Variants in ADGRL3 observed in about 807,000 individuals in gnomAD.
The protein encoded by ADGRL3 is calcium-independent alpha-latrotoxin receptor 3.
Under a neutral mutation model 153.5 loss-of-function variants are expected in ADGRL3, and 62 were observed. The observed-to-expected ratio is 0.40, with a 90% CI of 0.33 to 0.50. The LOEUF is 0.50. Among genes scored for constraint, ADGRL3 ranks in the 20% least tolerant of loss-of-function variants. The probability of loss-of-function intolerance (pLI) is 0.47; values close to 1 mark genes in which losing one functional copy is unlikely to be tolerated. For missense variants in ADGRL3, 1,641 were observed against 1,859.4 expected (o/e 0.88, Z 2.16); for synonymous variants, 710 against 672.5 (o/e 1.06, Z -0.86).
At chr4:61,513,888 A>G (rs1405828313) in intron 3 of ADGRL3, among the ~76,000 whole-genome samples, 1 of 152,156 alleles carries the variant, frequency 6.6e-6, no homozygotes, top group Non-Finnish European at 1.5e-5. Context: ...TAACTTTGCG[A>G]CATCTTAAAA....
chr4:61,387,366 GGAGACGAGGTTTT>G (rs1405399170), intron 2 of ADGRL3, among the ~76,000 whole-genome samples: 2 of 152,148 alleles, frequency 1.3e-5, no homozygotes, highest in African/African-American at 4.8e-5. Flanking sequence ...CATCTTATCA[GGAGACGAGGTTTT>G]GAGATCAACC....
chr4:62,001,469 C>T lies in ADGRL3; in HGVS notation c.3395+3204C>T, dbSNP rs1462699787. ...AACGGGACATGTTGAAGAAAAACAA[C>T]AAGGAAGGTATCTCCAGAAAATATT... On this transcript the variant is annotated intron_variant, in intron 21 of 26. Coordinates refer to ENST00000683033, the MANE Select transcript of ADGRL3 (RefSeq NM_001387552.1). Among the ~76,000 whole-genome samples the T allele has an allele frequency of 3.3e-5, 5 of 152,218 alleles. No homozygotes were observed. In the East Asian group the frequency reaches 9.7e-4, roughly 29 times the overall value.
chr4:61,232,913 T>A (rs541757404), intron 1 of ADGRL3, among the ~76,000 whole-genome samples: 1 of 152,286 alleles, frequency 6.6e-6, no homozygotes, highest in South Asian at 2.1e-4. Context: ...GACTTTGACT[T>A]ACCCAACATT....
intron 8 of ADGRL3, among the ~76,000 whole-genome samples, chr4:61,764,264 C>T (rs1049007623): frequency 1.5e-4 from 23 of 152,044 alleles, no homozygotes; most frequent in Non-Finnish European, 2.9e-5. Flanking sequence ...TTTGTGTGAG[C>T]AACATGGCTG....
chr4:61,356,533 A>C (rs1227144071), intron 1 of ADGRL3, among the ~76,000 whole-genome samples: 2 of 152,030 alleles, frequency 1.3e-5, no homozygotes, highest in Non-Finnish European at 2.9e-5. Context: ...TTTTTATTTC[A>C]TTTTTGTAAG....
intron 8 of ADGRL3, among the ~76,000 whole-genome samples, chr4:61,759,836 C>T (rs373883543): frequency 6.6e-6 from 1 of 152,138 alleles, no homozygotes; most frequent in South Asian, 2.1e-4. Context: ...TGACAACATA[C>T]AGATGGGGAT....
rs1251662266 is a variant in ADGRL3, at chr4:61,202,395, C to A, written c.-240+630C>A. Among the ~76,000 whole-genome samples, 2 of 152,198 alleles carry A rather than the reference C, an allele frequency of 1.3e-5. No individual in the cohort carries two copies. Among genetic ancestry groups the A allele is most frequent in the African/African-American group, 4.8e-5 (2 of 41,452 alleles). ...CGCGCCCTGCCTGTTGTGTCTCCTT[C>A]ACGGCAGTTTGGTTTAGACCTGCGT... On this transcript the variant is annotated intron_variant, in intron 1 of 26. Transcript: ENST00000683033. This position sits in a 1 kb window ranked among gnomAD's most constrained non-coding sequence, Gnocchi z 5.0.
At chr4:61,775,040 A>C (rs1005760793) in intron 8 of ADGRL3, among the ~76,000 whole-genome samples, 5 of 152,130 alleles carry the variant, frequency 3.3e-5, no homozygotes, top group East Asian at 1.9e-4. Context: ...TACCTTTGTA[A>C]ATTTGTAGTC....
intron 11 of ADGRL3, among the ~76,000 whole-genome samples, chr4:61,908,765 G>A (rs2098708433): frequency 6.6e-6 from 1 of 152,074 alleles, no homozygotes; most frequent in Non-Finnish European, 1.5e-5. Flanking sequence ...ATTATAACTT[G>A]GGAAATTATG....
chr4:61,542,227 T>C (rs1298836419), intron 4 of ADGRL3, among the ~76,000 whole-genome samples: 1 of 152,182 alleles, frequency 6.6e-6, no homozygotes, highest in Non-Finnish European at 1.5e-5. Context: ...TTTATGTAAC[T>C]TCCTCATAGT....
chr4:61,569,055 T>A (rs562586321), intron 4 of ADGRL3, among the ~76,000 whole-genome samples: 1 of 152,192 alleles, frequency 6.6e-6, no homozygotes, highest in African/African-American at 2.4e-5. Flanking sequence ...ACTTTTTTCA[T>A]TATGTGTGGT....
chr4:61,643,086 G>C (rs1433930570), intron 5 of ADGRL3, among the ~76,000 whole-genome samples: 2 of 152,098 alleles, frequency 1.3e-5, no homozygotes, highest in African/African-American at 4.8e-5. Context: ...TTGGCTCTCT[G>C]TTTGTCTGTT....
chr4:61,558,642 TCTGC>T (rs996456307), intron 4 of ADGRL3, among the ~76,000 whole-genome samples: 11 of 152,012 alleles, frequency 7.2e-5, no homozygotes, highest in African/African-American at 1.4e-4. Flanking sequence ...TGTCTGTCTG[TCTGC>T]CTGCCTGCCT....
Position 61,948,296 on chromosome 4 carries a change from A to G in ADGRL3, c.2805+20A>G. The G allele has an allele frequency of 6.3e-7, 1 of 1,594,716 alleles. No homozygotes were observed. On this transcript the variant is annotated intron_variant, in intron 17 of 26. Coordinates refer to ENST00000683033, the MANE Select transcript of ADGRL3 (RefSeq NM_001387552.1). ...GTTAAGGTAAGATATATACCATACA[A>G]TGAAAATGTTTTAGTATATTATATG...
At chr4:61,883,443 G>T (rs2098519940) in intron 9 of ADGRL3, among the ~76,000 whole-genome samples, 1 of 151,940 alleles carries the variant, frequency 6.6e-6, no homozygotes, top group Non-Finnish European at 1.5e-5. Context: ...CATTTATTAA[G>T]CTATTATTCT....
intron 2 of ADGRL3, among the ~76,000 whole-genome samples, chr4:61,390,444 T>C (rs1373779331): frequency 3.3e-5 from 5 of 152,222 alleles, no homozygotes; most frequent in Non-Finnish European, 5.9e-5. Context: ...TTCTGAGCTA[T>C]AAATATTTAT....
intron 11 of ADGRL3, among the ~76,000 whole-genome samples, chr4:61,905,414 A>G (rs1300347283): frequency 6.6e-6 from 1 of 152,204 alleles, no homozygotes; most frequent in Non-Finnish European, 1.5e-5. Flanking sequence ...TGAACACTTA[A>G]AAGTACATTC....
intron 8 of ADGRL3, among the ~76,000 whole-genome samples, chr4:61,771,163 T>C (rs1406753874): frequency 6.6e-6 from 1 of 152,180 alleles, no homozygotes; most frequent in Non-Finnish European, 1.5e-5. Flanking sequence ...TCCATATTGA[T>C]TTATTTCTCT....
intron 5 of ADGRL3, among the ~76,000 whole-genome samples, chr4:61,604,867 G>T (rs1257926510): frequency 6.6e-6 from 1 of 151,978 alleles, no homozygotes; most frequent in African/African-American, 2.4e-5. Flanking sequence ...GAGGTAGATG[G>T]ATCACTGAGG....
Sources: gnomAD v4.1 joint callset for allele counts (sites outside exome capture counted in the v4.1 genomes callset) on GRCh38, gnomAD v4.1.1 for gene constraint, Gnocchi (gnomAD v3.1) non-coding constraint, MANE v1.5 for transcripts, NCBI Gene and HGNC (gene_info 2026-07-23, HGNC 2026-07-21) for gene names.